Variants in SMR3A observed in about 807,000 individuals in gnomAD.
SMR3A encodes the protein submaxillary gland androgen-regulated protein 3A.
For missense variants in SMR3A, 188 were observed against 163.0 expected (o/e 1.15, Z -0.84); for synonymous variants, 48 against 57.4 (o/e 0.84, Z 0.74).
Position 70,362,142 on chromosome 4 carries a change from C to T in SMR3A, c.27C>T (p.Gly9=). Residue 9 remains glycine, a synonymous_variant, in exon 2 of 3, where the codon GGC becomes GGT. Transcript: ENST00000226460. ...TGAAATCACTGACTTGGATCTTGGGCCTTTGGGCTCTTGCAGCGTGTTTCA... is the reference window on the plus strand; with the variant it reads ...TGAAATCACTGACTTGGATCTTGGGTCTTTGGGCTCTTGCAGCGTGTTTCA... MKSLTWIL[G]LWALAACFTP... 1 of 1,611,882 alleles carries T rather than the reference C, an allele frequency of 6.2e-7. No individual in the cohort carries two copies. The highest frequency in any genetic ancestry group is 2.2e-5 in the East Asian group (1 of 44,758).
Position 70,366,712 on chromosome 4 carries a change from A to AC in SMR3A, c.123_124insC (p.Cys42LeufsTer85), listed in dbSNP as rs751732825. 1.9e-6 allele frequency: 3 copies of AC among 1,613,006 alleles called. No homozygotes were observed. The African/African-American group carries it at 4.0e-5, about 22-fold the overall frequency. On this transcript the variant is annotated frameshift_variant, in exon 3 of 3. Coordinates refer to ENST00000226460, the MANE Select transcript of SMR3A (RefSeq NM_012390.4). LOFTEE classifies it low-confidence loss of function (END_TRUNC). Reference sequence around the variant, plus strand: ...GACCACTGGCTCCTCCTCCTCCACCATGTTTTCCTTTTGGAACAGGATTTG... The same window carrying AC: ...GACCACTGGCTCCTCCTCCTCCACCACTGTTTTCCTTTTGGAACAGGATTTG...
chr4:70,366,627 C>T lies in SMR3A; in HGVS notation c.55-17C>T, dbSNP rs374710553. 34 of 1,560,988 alleles carry T rather than the reference C, an allele frequency of 2.2e-5. No homozygotes were observed. Among genetic ancestry groups the T allele is most frequent in the Admixed American group, 3.8e-5 (2 of 53,136 alleles). On this transcript the variant is annotated splice_polypyrimidine_tract_variant and intron_variant, in intron 2 of 2. Transcript: ENST00000226460. ...GAAATATCTGATTTAAAATTATTTA[C>T]TTCTTTGTTTCCACAGCCTGGTGAG... is the stretch of plus-strand genomic sequence containing the variant.
At position 70,366,834 on chromosome 4, in the gene SMR3A, C is replaced by T. The variant is rs267600234; in HGVS notation, c.245C>T (p.Pro82Leu). The T allele has an allele frequency of 1.2e-6, 2 of 1,613,706 alleles. No individual in the cohort carries two copies. The highest frequency in any genetic ancestry group is 1.1e-5 in the South Asian group (1 of 91,058). Residue 82 changes from proline (P) to leucine (L), a missense_variant, in exon 3 of 3, where the codon CCA (proline) becomes CTA (leucine). Physicochemically the swap from Pro to Leu is moderately conservative, Grantham distance 98. Transcript: ENST00000226460. ...GGGAGAATCCCACCATCCCCTCCTCCACCCTATGGTCCAGGGAGAATTCAA... is the reference window on the plus strand; with the variant it reads ...GGGAGAATCCCACCATCCCCTCCTCTACCCTATGGTCCAGGGAGAATTCAA... ...GPGRIPPSPP[P>L]PYGPGRIQSH...
At position 70,360,836 on chromosome 4, in the gene SMR3A, C is replaced by T. The variant is rs17148787; in HGVS notation, c.-21C>T. On this transcript the variant is annotated 5_prime_UTR_variant, in exon 1 of 3. It adds an upstream start codon to the 5' untranslated region. Coordinates refer to ENST00000226460, the MANE Select transcript of SMR3A (RefSeq NM_012390.4). ...TAATCAACTCTAAGACAGATCCTCA[C>T]GCAAAGGTATGTACCTGGAAATATT... 24,693 of 151,830 alleles carry T rather than the reference C, an allele frequency of 0.16. 2,890 individuals carry two copies. The highest frequency in any genetic ancestry group is 0.33 in the African/African-American group (13,768 of 41,436). The allele number at this position is 151,830 out of a possible 1,614,324, so 9.4% of individuals were successfully genotyped here.
At position 70,366,833 on chromosome 4, in the gene SMR3A, C is replaced by T. The variant is rs765390654; in HGVS notation, c.244C>T (p.Pro82Ser). The T allele has an allele frequency of 6.2e-7, 1 of 1,613,728 alleles. No homozygotes were observed. Among genetic ancestry groups the T allele is most frequent in the South Asian group, 1.1e-5 (1 of 91,058 alleles). The change falls in exon 3 of 3, where the codon CCA (proline) becomes TCA (serine). Residue 82 changes from proline to serine, a missense_variant. Pro to Ser is a moderately conservative substitution (Grantham distance 74, BLOSUM62 -1). Coordinates refer to ENST00000226460, the MANE Select transcript of SMR3A (RefSeq NM_012390.4). ...AGGGAGAATCCCACCATCCCCTCCT[C>T]CACCCTATGGTCCAGGGAGAATTCA... ...GPGRIPPSPP[P>S]PYGPGRIQSH...
chr4:70,366,703 T>C lies in SMR3A; in HGVS notation c.114T>C (p.Pro38=). The C allele has an allele frequency of 6.2e-7, 1 of 1,613,418 alleles. No individual in the cohort carries two copies. The highest frequency in any genetic ancestry group is 8.5e-7 in the Non-Finnish European group (1 of 1,179,640). Residue 38 remains proline (P), a synonymous_variant, in exon 3 of 3, where the codon CCT becomes CCC. Coordinates refer to ENST00000226460, the MANE Select transcript of SMR3A (RefSeq NM_012390.4). ...GPYPPGPLAP[P]PPPCFPFGTG... Reference sequence around the variant, plus strand: ...ATCCACCTGGACCACTGGCTCCTCCTCCTCCACCATGTTTTCCTTTTGGAA... The same window carrying C: ...ATCCACCTGGACCACTGGCTCCTCCCCCTCCACCATGTTTTCCTTTTGGAA...
intron 2 of SMR3A, among the ~76,000 whole-genome samples, chr4:70,363,056 A>C (rs1235856425): frequency 2.0e-5 from 3 of 151,994 alleles, no homozygotes; most frequent in African/African-American, 7.2e-5. Context: ...TTATGGGTGG[A>C]CATAATTTTT....
chr4:70,367,064 T>C lies in SMR3A; in HGVS notation c.*70T>C. 1 of 1,314,916 alleles carries C rather than the reference T, an allele frequency of 7.6e-7. No homozygotes were observed. Among genetic ancestry groups the C allele is most frequent in the Non-Finnish European group, 1.1e-6 (1 of 930,514 alleles). 81.5% of individuals were successfully genotyped at this position (1,314,916 alleles called of 1,614,324 possible). A position where few individuals can be genotyped will look rare whatever the true frequency, so the allele number is the denominator to read the frequency against. On this transcript the variant is annotated 3_prime_UTR_variant, in exon 3 of 3. Coordinates refer to ENST00000226460, the MANE Select transcript of SMR3A (RefSeq NM_012390.4). The stretch of plus-strand genomic sequence containing the variant: ...CTACCCTCGTAACTACTGCTTCTAC[T>C]ACCCAAAAATAAGAATTTCAACACT...
At chr4:70,365,322 C>G (rs1464373943) in intron 2 of SMR3A, among the ~76,000 whole-genome samples, 1 of 151,920 alleles carries the variant, frequency 6.6e-6, no homozygotes, top group Non-Finnish European at 1.5e-5. Flanking sequence ...AGCTATCTAC[C>G]TACCTCAGCC....
chr4:70,361,620 C>A (rs997337949), intron 1 of SMR3A, among the ~76,000 whole-genome samples: 4 of 151,716 alleles, frequency 2.6e-5, no homozygotes, highest in Non-Finnish European at 4.4e-5. Context: ...AGAGTGATTT[C>A]TTTCTTTTCC....
In SMR3A at chr4:70,366,877, T is replaced by C. The variant is rs1732276895; in HGVS notation, c.288T>C (p.Pro96=). 3 of 1,613,410 alleles carry C rather than the reference T, an allele frequency of 1.9e-6. No homozygotes were observed. Residue 96 remains proline, a synonymous_variant, in exon 3 of 3, where the codon CCT becomes CCC. Transcript: ENST00000226460. ...PGRIQSHSLP[P]PYGPGYPQPP... ...GAATTCAATCACACTCTCTTCCTCC[T>C]CCTTATGGCCCAGGTTATCCACAGC...
rs1340122238 is a variant in SMR3A at position 70,366,867 on chromosome 4, C to G, written c.278C>G (p.Ser93Cys). ...PYGPGRIQSH[S>C]LPPPYGPGYP... ...GGTCCAGGGAGAATTCAATCACACTCTCTTCCTCCTCCTTATGGCCCAGGT... is the reference window on the plus strand; with the variant it reads ...GGTCCAGGGAGAATTCAATCACACTGTCTTCCTCCTCCTTATGGCCCAGGT... The change falls in exon 3 of 3, where the codon TCT becomes TGT. Residue 93 changes from serine (S) to cysteine (C), a missense_variant. Ser to Cys is a moderately radical substitution (Grantham distance 112, BLOSUM62 -1). Transcript: ENST00000226460. 10 of 1,613,612 alleles carry G rather than the reference C, an allele frequency of 6.2e-6. No individual in the cohort carries two copies. Among genetic ancestry groups the G allele is most frequent in the Non-Finnish European group, 8.5e-6 (10 of 1,179,788 alleles).
At chr4:70,361,183 T>C (rs893065218) in intron 1 of SMR3A, among the ~76,000 whole-genome samples, 1 of 151,952 alleles carries the variant, frequency 6.6e-6, no homozygotes, top group African/African-American at 2.4e-5. Flanking sequence ...TTTCTTTTGT[T>C]TTTCAAACTT....
At chr4:70,366,258 T>C (rs1369250816) in intron 2 of SMR3A, among the ~76,000 whole-genome samples, 1 of 150,054 alleles carries the variant, frequency 6.7e-6, no homozygotes, top group Non-Finnish European at 1.5e-5. Flanking sequence ...TGTCCTTTTT[T>C]AAGCTTGCAT....
In SMR3A at chr4:70,366,688, A is replaced by G. The variant is rs1451363324; in HGVS notation, c.99A>G (p.Gly33=). The G allele has an allele frequency of 6.2e-7, 1 of 1,613,148 alleles. No homozygotes were observed. The highest frequency in any genetic ancestry group is 1.3e-5 in the African/African-American group (1 of 74,970). ...QRGPRGPYPP[G]PLAPPPPPCF... ...GCCCCAGGGGACCATATCCACCTGGACCACTGGCTCCTCCTCCTCCACCAT... is the reference window on the plus strand; with the variant it reads ...GCCCCAGGGGACCATATCCACCTGGGCCACTGGCTCCTCCTCCTCCACCAT... Residue 33 remains glycine, a synonymous_variant, in exon 3 of 3, where the codon GGA becomes GGG. Transcript: ENST00000226460.
In SMR3A at chr4:70,364,250, C is replaced by A. The variant is rs373598747; in HGVS notation, c.54+2081C>A. On this transcript the variant is annotated intron_variant, in intron 2 of 2. Coordinates refer to ENST00000226460, the MANE Select transcript of SMR3A (RefSeq NM_012390.4). ...TTTATATTTATTTCCCAAATGATGT[C>A]TTCGACCTCTCTGTACGTGTTAGGT... Among the ~76,000 whole-genome samples, 72 of 152,034 alleles carry A rather than the reference C, an allele frequency of 4.7e-4. 3 individuals are homozygous for A. In the South Asian group the frequency reaches 0.015, roughly 31 times the overall value.
chr4:70,366,713 T>TCCACCAC lies in SMR3A; in HGVS notation c.124_125insCCACCAC (p.Cys42SerfsTer87), dbSNP rs755172304. 3 of 1,613,430 alleles carry TCCACCAC rather than the reference T, an allele frequency of 1.9e-6. No homozygotes were observed. In the African/African-American group the frequency reaches 4.0e-5, roughly 22 times the overall value. ...ACCACTGGCTCCTCCTCCTCCACCA[T>TCCACCAC]GTTTTCCTTTTGGAACAGGATTTGT... On this transcript the variant is annotated frameshift_variant, in exon 3 of 3. Transcript: ENST00000226460. LOFTEE classifies it low-confidence loss of function (END_TRUNC).
intron 2 of SMR3A, among the ~76,000 whole-genome samples, chr4:70,364,695 C>T (rs954156646): frequency 6.6e-6 from 1 of 151,780 alleles, no homozygotes; most frequent in Admixed American, 6.6e-5. Flanking sequence ...TAGATGAGAG[C>T]TCAGGATGAA....
chr4:70,363,250 T>C (rs1237372077), intron 2 of SMR3A, among the ~76,000 whole-genome samples: 1 of 151,948 alleles, frequency 6.6e-6, no homozygotes, highest in African/African-American at 2.4e-5. Context: ...TCCAATAATA[T>C]AAGCAGTTTA....
Sources: allele counts gnomAD v4.1 joint callset (sites outside exome capture counted in the v4.1 genomes callset), GRCh38; gene constraint gnomAD v4.1.1; transcripts MANE v1.5; gene names NCBI Gene and HGNC (gene_info 2026-07-23, HGNC 2026-07-21).